The following PLPP1 variants were observed in gnomAD, a reference collection of about 807,000 sequenced individuals.
PLPP1 encodes phospholipid phosphatase 1.
Under a neutral mutation model 31.2 loss-of-function variants are expected in PLPP1, and 24 were observed. That is an observed-to-expected ratio of 0.77 (90% CI 0.56 to 1.08). The LOEUF (loss-of-function observed/expected upper bound fraction) is 1.08, where lower values mean the gene tolerates loss of function less well. PLPP1 is among the 50% of genes least tolerant of loss of function. PLPP1 has a pLI of 0.00. For missense variants in PLPP1, 319 were observed against 342.7 expected (o/e 0.93, Z 0.55); for synonymous variants, 146 against 126.3 (o/e 1.16, Z -1.05).
At position 55,529,627 on chromosome 5, in the gene PLPP1, T is replaced by A. The variant is rs1326184100; in HGVS notation, c.58+4945A>T. On this transcript the variant is annotated intron_variant, in intron 1 of 5. Coordinates refer to ENST00000307259, the MANE Select transcript of PLPP1 (RefSeq NM_003711.4). ...ATTACTAGTCTTCAAAAATAGTAAATGTTATATAAATACGATTTTCTTATA... is the reference window on the plus strand; with the variant it reads ...ATTACTAGTCTTCAAAAATAGTAAAAGTTATATAAATACGATTTTCTTATA... Among the ~76,000 whole-genome samples, 4 of 152,210 alleles carry A rather than the reference T, an allele frequency of 2.6e-5. No homozygotes were observed. In the East Asian group the frequency reaches 7.7e-4, roughly 29 times the overall value.
At position 55,534,927 on chromosome 5, in the gene PLPP1, C is replaced by T. The variant is rs534867743; in HGVS notation, c.-298G>A. The T allele has an allele frequency of 1.6e-3, 636 of 406,490 alleles. 3 individuals are homozygous for T. The highest frequency in any genetic ancestry group is 0.012 in the African/African-American group (565 of 47,342). 25.2% of individuals were successfully genotyped at this position (406,490 alleles called of 1,614,324 possible). ...GACCTCCTCAGCCGGCACGGCCTGC[C>T]CCGGTTGCTCCCCGTCCGGATCCCG... On this transcript the variant is annotated 5_prime_UTR_variant, in exon 1 of 6. Transcript: ENST00000307259.
intron 1 of PLPP1, among the ~76,000 whole-genome samples, chr5:55,495,401 T>C (rs1450915121): frequency 6.6e-6 from 1 of 152,146 alleles, no homozygotes; most frequent in Non-Finnish European, 1.5e-5. Flanking sequence ...TGTGTCTGTC[T>C]TGTTCAGCAG....
rs563147781 is a variant in PLPP1 at position 55,504,821 on chromosome 5, T to C, written c.59-29371A>G. 7.3e-5 allele frequency among the ~76,000 whole-genome samples: 11 copies of C among 151,536 alleles called. 1 individual carries two copies. The highest frequency in any genetic ancestry group is 1.0e-4 in the Non-Finnish European group (7 of 67,774). Reference sequence around the variant, plus strand: ...CTTTTTCCCCTAACTTTCCTTTTTTTTTTTTTTTTGAGAGTGTTTCACTCT... The same window carrying C: ...CTTTTTCCCCTAACTTTCCTTTTTTCTTTTTTTTTGAGAGTGTTTCACTCT... On this transcript the variant is annotated intron_variant, in intron 1 of 5. Transcript: ENST00000307259.
At chr5:55,525,537 T>C (rs967442128) in intron 1 of PLPP1, among the ~76,000 whole-genome samples, 1 of 152,216 alleles carries the variant, frequency 6.6e-6, no homozygotes, top group Non-Finnish European at 1.5e-5. Flanking sequence ...GGTCTCACGA[T>C]GTTGCCCAGG....
chr5:55,425,735 T>TAAC (rs1751167427), intron 5 of PLPP1, 128 bp downstream of exon 5: 2 of 859,262 alleles, frequency 2.3e-6, no homozygotes, highest in East Asian at 2.8e-5. Flanking sequence ...TGACTTTTAA[T>TAAC]AACATTGAGA....
chr5:55,475,687 TA>T lies in PLPP1; in HGVS notation c.59-238del, dbSNP rs1752534742. On this transcript the variant is annotated intron_variant, in intron 1 of 5. Coordinates refer to ENST00000307259, the MANE Select transcript of PLPP1 (RefSeq NM_003711.4). ...TGTTCAAATCCTCTATTAACCAATT[TA>T]ACAAAGAGTTATCTTTCCTTTGTTT... Among the ~76,000 whole-genome samples the T allele has an allele frequency of 3.3e-5, 5 of 152,250 alleles. 1 individual carries two copies. In the South Asian group the frequency reaches 1.0e-3, roughly 31 times the overall value.
At chr5:55,493,330 A>G (rs1752936867) in intron 1 of PLPP1, among the ~76,000 whole-genome samples, 1 of 151,280 alleles carries the variant, frequency 6.6e-6, no homozygotes, top group African/African-American at 2.4e-5. Flanking sequence ...AAAAAAAAAG[A>G]AGAAGAAAAA....
chr5:55,523,939 C>T (rs1029977638), intron 1 of PLPP1, among the ~76,000 whole-genome samples: 6 of 152,160 alleles, frequency 3.9e-5, no homozygotes, highest in Non-Finnish European at 8.8e-5. Flanking sequence ...TCTGTCATAG[C>T]TTTTACAAAC....
At chr5:55,473,639 TA>T (rs556309939) in intron 2 of PLPP1, among the ~76,000 whole-genome samples, 34 of 148,960 alleles carry the variant, frequency 2.3e-4, no homozygotes, top group African/African-American at 4.4e-4. Context: ...ATTTTTTAAT[TA>T]AAAAAAAAAA....
chr5:55,483,234 A>G (rs1218236987), intron 1 of PLPP1, among the ~76,000 whole-genome samples: 1 of 152,216 alleles, frequency 6.6e-6, no homozygotes. Context: ...TCTACTTAAT[A>G]TATTATTACA....
chr5:55,463,413 G>A (rs1414004315), intron 3 of PLPP1, among the ~76,000 whole-genome samples: 1 of 152,108 alleles, frequency 6.6e-6, no homozygotes, highest in Non-Finnish European at 1.5e-5. Context: ...TGTAACCCTA[G>A]CACTTTGGGA....
intron 3 of PLPP1, among the ~76,000 whole-genome samples, chr5:55,456,137 T>A (rs933265156): frequency 1.2e-4 from 19 of 152,192 alleles, no homozygotes; most frequent in Admixed American, 1.1e-3. Flanking sequence ...CATATATTAA[T>A]TCTAAATTAT....
chr5:55,450,781 C>T (rs774391956), intron 3 of PLPP1, among the ~76,000 whole-genome samples: 16 of 152,144 alleles, frequency 1.1e-4, no homozygotes, highest in Non-Finnish European at 2.2e-4. Context: ...ATGAAACGAA[C>T]GATACACTGT....
chr5:55,474,305 TTAAC>T (rs1196135322), intron 2 of PLPP1, among the ~76,000 whole-genome samples: 1 of 152,168 alleles, frequency 6.6e-6, no homozygotes, highest in African/African-American at 2.4e-5. Flanking sequence ...CCTTCTACTT[TTAAC>T]TAACATAAAT....
chr5:55,454,211 G>C (rs1211974112), intron 3 of PLPP1, among the ~76,000 whole-genome samples: 2 of 151,938 alleles, frequency 1.3e-5, no homozygotes, highest in African/African-American at 4.8e-5. Context: ...TATTATGTAA[G>C]AAAAAATAAT....
At chr5:55,453,430 T>C (rs1434011492) in intron 3 of PLPP1, among the ~76,000 whole-genome samples, 1 of 152,190 alleles carries the variant, frequency 6.6e-6, no homozygotes, top group Non-Finnish European at 1.5e-5. Flanking sequence ...TCTCTTGTCA[T>C]TCTTTTGTCA....
chr5:55,492,042 A>G (rs1209197475), intron 1 of PLPP1, among the ~76,000 whole-genome samples: 1 of 40,884 alleles, frequency 2.4e-5, no homozygotes, highest in Non-Finnish European at 7.2e-5. Context: ...AGTTATACCA[A>G]AATAATTTCA....
intron 2 of PLPP1, among the ~76,000 whole-genome samples, chr5:55,473,997 G>GTTTTT (rs756603259): frequency 8.9e-4 from 25 of 28,034 alleles, no homozygotes; most frequent in Non-Finnish European, 2.1e-3. Flanking sequence ...TTTGTTTGTT[G>GTTTTT]TTTTTTTTTT....
chr5:55,426,671 G>A (rs1413733504), intron 4 of PLPP1, among the ~76,000 whole-genome samples: 1 of 152,002 alleles, frequency 6.6e-6, no homozygotes, highest in African/African-American at 2.4e-5. Context: ...GCCTCCCAAA[G>A]TGCTGGGATT....
Sources: gnomAD v4.1 joint callset for allele counts (sites outside exome capture counted in the v4.1 genomes callset) on GRCh38, gnomAD v4.1.1 for gene constraint, MANE v1.5 for transcripts, NCBI Gene and HGNC (gene_info 2026-07-23, HGNC 2026-07-21) for gene names.